Variants in SULF2 observed in about 807,000 individuals in gnomAD.
SULF2 encodes the protein extracellular sulfatase Sulf-2.
In SULF2, 52 loss-of-function variants were observed where a neutral mutation model predicts 107.7. The observed-to-expected ratio is 0.48, with a 90% CI of 0.39 to 0.61. The LOEUF (loss-of-function observed/expected upper bound fraction) is 0.61. Ranked by LOEUF, SULF2 falls within the 20% of genes least tolerant of loss-of-function variation. SULF2 has a pLI of 0.00. For missense variants in SULF2, 993 were observed against 1,177.3 expected (o/e 0.84, Z 2.29); for synonymous variants, 460 against 464.3 (o/e 0.99, Z 0.12).
chr20:47,785,781 G>T (rs1201061237), upstream of SULF2: 3 of 148,894 alleles, frequency 2.0e-5, no homozygotes, highest in African/African-American at 7.3e-5. Context: ...CCCGGGGCGC[G>T]GGGGGCCCAG....
Position 47,767,908 on chromosome 20 carries a change from C to CAAA in SULF2, c.-100-10448_-100-10446dup, listed in dbSNP as rs11483856. Among the ~76,000 whole-genome samples the CAAA allele has an allele frequency of 6.7e-4, 94 of 140,084 alleles. 1 individual carries two copies. The highest frequency in any genetic ancestry group is 3.7e-3 in the Middle Eastern group (1 of 270). 91.9% of individuals were successfully genotyped at this position (140,084 alleles called of 152,430 possible). A position where few individuals can be genotyped will look rare whatever the true frequency, so the allele number is the denominator to read the frequency against. On this transcript the variant is annotated intron_variant, in intron 1 of 20. Coordinates refer to ENST00000688720, the MANE Select transcript of SULF2 (RefSeq NM_001387048.1). ...TAGGCGACAGAGCAAGACTCTGTCT[C>CAAA]AAAAAAAAAAAAAAAATATTGGGGG...
chr20:47,713,799 T>C (rs7264568), intron 3 of SULF2, among the ~76,000 whole-genome samples: 15,754 of 151,404 alleles, frequency 0.1, 831 homozygotes, highest in Middle Eastern at 0.18. Flanking sequence ...AAAAAAGAAC[T>C]GTGAGTTCCC....
rs748530209 is a variant in SULF2 at position 47,661,761 on chromosome 20, G to A, written c.2494+12C>T. 2.0e-6 allele frequency: 3 copies of A among 1,523,092 alleles called. No homozygotes were observed. The highest frequency in any genetic ancestry group is 1.4e-5 in the African/African-American group (1 of 73,172). 94.3% of individuals were successfully genotyped at this position (1,523,092 alleles called of 1,614,324 possible). A position where few individuals can be genotyped will look rare whatever the true frequency, so the allele number is the denominator to read the frequency against. ...TGCTGTCCAAGGGCCCCACGTTGGGGTGCCTACTCACCCAGGTCCATGTTT... is the reference window on the plus strand; with the variant it reads ...TGCTGTCCAAGGGCCCCACGTTGGGATGCCTACTCACCCAGGTCCATGTTT... On this transcript the variant is annotated intron_variant, in intron 18 of 20. Coordinates refer to ENST00000688720, the MANE Select transcript of SULF2 (RefSeq NM_001387048.1).
chr20:47,669,675 C>T (rs2087398597), intron 11 of SULF2, among the ~76,000 whole-genome samples: 1 of 152,174 alleles, frequency 6.6e-6, no homozygotes, highest in Non-Finnish European at 1.5e-5. Context: ...CTTTCCTGTC[C>T]ATCATCCCCT....
upstream of SULF2, chr20:47,785,745 G>C (rs2090921161): frequency 6.8e-6 from 1 of 147,574 alleles, no homozygotes; most frequent in Non-Finnish European, 1.5e-5. Context: ...GGGGAGCGTC[G>C]GGCCGGGAGC....
At chr20:47,761,390 C>T (rs530537647) in intron 1 of SULF2, among the ~76,000 whole-genome samples, 11 of 152,342 alleles carry the variant, frequency 7.2e-5, no homozygotes, top group African/African-American at 2.6e-4. Context: ...GCTGAATCTG[C>T]AGAGCCCTTC....
chr20:47,693,671 C>T (rs368691519), intron 4 of SULF2, among the ~76,000 whole-genome samples: 1 of 152,142 alleles, frequency 6.6e-6, no homozygotes, highest in Admixed American at 6.5e-5. Flanking sequence ...AACACAGCAT[C>T]GTACATTGTT....
chr20:47,699,438 G>A (rs2088490844), intron 4 of SULF2, among the ~76,000 whole-genome samples: 1 of 151,742 alleles, frequency 6.6e-6, no homozygotes, highest in South Asian at 2.1e-4. Context: ...CATAGTAGGT[G>A]CTCAGGGGTA....
chr20:47,785,128 T>A (rs2122782828), intron 1 of SULF2, among the ~76,000 whole-genome samples: 1 of 151,728 alleles, frequency 6.6e-6, no homozygotes, highest in Non-Finnish European at 1.5e-5. Context: ...AGGTCATCCC[T>A]CTGCGGACGG....
At position 47,765,592 on chromosome 20, in the gene SULF2, GATC is replaced by G. The variant is rs1243885882; in HGVS notation, c.-100-8132_-100-8130del. 2.0e-5 allele frequency among the ~76,000 whole-genome samples: 3 copies of G among 152,268 alleles called. No individual in the cohort carries two copies. The East Asian group carries it at 5.8e-4, about 29-fold the overall frequency. On this transcript the variant is annotated intron_variant, in intron 1 of 20. Coordinates refer to ENST00000688720, the MANE Select transcript of SULF2 (RefSeq NM_001387048.1). ...CCTCCTCAGGTGGTCCAGGGAGCCT[GATC>G]ATTTCTCTCTTCCTTCATTTACTTT...
At chr20:47,726,954 C>T (rs575740419) in intron 3 of SULF2, among the ~76,000 whole-genome samples, 3 of 152,040 alleles carry the variant, frequency 2.0e-5, no homozygotes, top group African/African-American at 7.2e-5. Context: ...TGGAGCTGAT[C>T]TTCAGGGCGG....
At chr20:47,698,051 T>G (rs1303999561) in intron 4 of SULF2, among the ~76,000 whole-genome samples, 3 of 152,186 alleles carry the variant, frequency 2.0e-5, no homozygotes, top group Non-Finnish European at 4.4e-5. Flanking sequence ...ATGTGCAGAA[T>G]GAGACTTGAG....
intron 3 of SULF2, among the ~76,000 whole-genome samples, chr20:47,731,494 G>A (rs190310473): frequency 6.6e-6 from 1 of 151,990 alleles, no homozygotes; most frequent in East Asian, 1.9e-4. Context: ...TGCCTGGCCT[G>A]TTTAGGGAGC....
intron 1 of SULF2, among the ~76,000 whole-genome samples, chr20:47,763,385 C>T (rs756626213): frequency 2.0e-4 from 31 of 152,316 alleles, no homozygotes; most frequent in Non-Finnish European, 3.5e-4. Context: ...CAGCGGTGAA[C>T]AAACACCTGG....
chr20:47,725,709 G>C (rs2089421891), intron 3 of SULF2, among the ~76,000 whole-genome samples: 1 of 152,130 alleles, frequency 6.6e-6, no homozygotes. Flanking sequence ...TTGAAATCTG[G>C]GCACCCCCTC....
At chr20:47,785,550 C>T (rs1351395259), upstream of SULF2, 1 of 146,538 alleles carries the variant, frequency 6.8e-6, no homozygotes, top group Non-Finnish European at 1.5e-5. Context: ...GCCGCCACCG[C>T]CCCCGGCCCC....
At chr20:47,707,244 C>T (rs1194606620) in intron 3 of SULF2, among the ~76,000 whole-genome samples, 1 of 152,186 alleles carries the variant, frequency 6.6e-6, no homozygotes, top group Non-Finnish European at 1.5e-5. Flanking sequence ...CCATCTCAGC[C>T]TCCCAAAGTG....
At chr20:47,785,749 C>G (rs2090921253), upstream of SULF2, 1 of 147,850 alleles carries the variant, frequency 6.8e-6, no homozygotes, top group Admixed American at 6.7e-5. Context: ...AGCGTCGGGC[C>G]GGGAGCCGCG....
intron 1 of SULF2, among the ~76,000 whole-genome samples, chr20:47,762,464 T>C (rs2090436974): frequency 6.6e-6 from 1 of 152,272 alleles, no homozygotes; most frequent in South Asian, 2.1e-4. Context: ...ACCCATTTTA[T>C]GGATGAAGAA....
Sources: allele counts gnomAD v4.1 joint callset (sites outside exome capture counted in the v4.1 genomes callset), GRCh38; gene constraint gnomAD v4.1.1; transcripts MANE v1.5; gene names NCBI Gene and HGNC (gene_info 2026-07-23, HGNC 2026-07-21).